FOXP1: variants seen among roughly 807,000 people sequenced by gnomAD.
FOXP1 encodes forkhead box P1.
Under a neutral mutation model 98.2 loss-of-function variants are expected in FOXP1, and 15 were observed. That is an observed-to-expected ratio of 0.15 (90% CI 0.10 to 0.24). The LOEUF (loss-of-function observed/expected upper bound fraction) is 0.24. Among genes scored for constraint, FOXP1 ranks in the 10% least tolerant of loss-of-function variants. FOXP1 has a pLI of 1.00. For missense variants in FOXP1, 633 were observed against 848.5 expected, an observed-to-expected ratio of 0.75 and a Z score of 3.15; for synonymous variants, 371 against 314.5, an observed-to-expected ratio of 1.18 and a Z score of -1.90.
intron 2 of FOXP1, among the ~76,000 whole-genome samples, chr3:71,544,005 ATG>A (rs1491389623): frequency 4.1e-4 from 33 of 79,970 alleles, no homozygotes; most frequent in Non-Finnish European, 6.0e-4. Flanking sequence ...ACACACATGT[ATG>A]TGTGTATACA....
chr3:71,198,432 G>GGGGGGGGGGGCCCGCC, intron 5 of FOXP1, 40 bp from the exon 6 acceptor site: 1 of 491,034 alleles, frequency 2.0e-6, no homozygotes. Flanking sequence ...GGGAGGGGGG[G>GGGGGGGGGGGCCCGCC]AGAAAAAAAA....
chr3:71,529,059 G>T (rs997135606), intron 2 of FOXP1, among the ~76,000 whole-genome samples: 1 of 152,172 alleles, frequency 6.6e-6, no homozygotes, highest in Non-Finnish European at 1.5e-5. Flanking sequence ...TTCAATACAG[G>T]AGGCTTTTCT....
intron 6 of FOXP1, among the ~76,000 whole-genome samples, chr3:71,185,981 T>C (rs1304926957): frequency 1.3e-5 from 2 of 152,252 alleles, no homozygotes; most frequent in Non-Finnish European, 2.9e-5. Flanking sequence ...ATTAGTCATA[T>C]ACATCTCTTC....
At chr3:71,338,894 C>T (rs2076844908) in intron 4 of FOXP1, among the ~76,000 whole-genome samples, 1 of 152,122 alleles carries the variant, frequency 6.6e-6, no homozygotes, top group Non-Finnish European at 1.5e-5. Flanking sequence ...AGGTACCACA[C>T]GCTAAGAAAC....
At chr3:71,406,244 C>T (rs769585536) in intron 3 of FOXP1, among the ~76,000 whole-genome samples, 12 of 152,036 alleles carry the variant, frequency 7.9e-5, no homozygotes, top group Non-Finnish European at 1.0e-4. Context: ...TGGGCCCCAA[C>T]GGGCTGAAAT....
intron 2 of FOXP1, among the ~76,000 whole-genome samples, chr3:71,555,911 AAAG>A (rs1332836900): frequency 6.6e-6 from 1 of 152,158 alleles, no homozygotes; most frequent in Non-Finnish European, 1.5e-5. Flanking sequence ...GAAAAAGAAA[AAAG>A]AGGAGGAAGA....
In FOXP1 at chr3:71,342,654, T is replaced by C. The variant is rs546611125; in HGVS notation, c.-73+16496A>G. Among the ~76,000 whole-genome samples the C allele has an allele frequency of 6.0e-5, 9 of 150,566 alleles. No individual in the cohort carries two copies. The South Asian group carries it at 6.4e-4, about 11-fold the overall frequency. On this transcript the variant is annotated intron_variant, in intron 4 of 20. Transcript: ENST00000649528. ...GCTGCAGTGAGCCGAGATCACGCCA[T>C]TGCACTCCAGCCTGGGTGACAGAGA... is the stretch of plus-strand genomic sequence containing the variant.
chr3:71,561,735 T>C (rs991338328), intron 2 of FOXP1, among the ~76,000 whole-genome samples: 1 of 152,198 alleles, frequency 6.6e-6, no homozygotes, highest in African/African-American at 2.4e-5. Context: ...CTAGACAGAA[T>C]CACTGCAAAT....
chr3:71,027,815 TAAAC>T (rs2046329204), intron 11 of FOXP1, among the ~76,000 whole-genome samples: 1 of 152,224 alleles, frequency 6.6e-6, no homozygotes, highest in South Asian at 2.1e-4. Context: ...ATATAATTAA[TAAAC>T]ATACTTAGTA....
chr3:71,512,676 A>AT, intron 2 of FOXP1, among the ~76,000 whole-genome samples: 1 of 152,318 alleles, frequency 6.6e-6, no homozygotes, highest in African/African-American at 2.4e-5. Flanking sequence ...GCCACTTCAT[A>AT]CAACAGCTGG....
chr3:71,037,698 G>A (rs575114307), intron 11 of FOXP1, among the ~76,000 whole-genome samples: 10 of 152,248 alleles, frequency 6.6e-5, no homozygotes, highest in South Asian at 4.1e-4. Flanking sequence ...TTAAATTGTC[G>A]GAGAAAATCA....
chr3:71,460,170 G>A (rs905289162), intron 3 of FOXP1, among the ~76,000 whole-genome samples: 8 of 151,768 alleles, frequency 5.3e-5, no homozygotes, highest in East Asian at 3.9e-4. Context: ...TCCTGACCTC[G>A]TGATTCGTCC....
At chr3:71,321,337 G>C (rs1222342065) in intron 4 of FOXP1, among the ~76,000 whole-genome samples, 1 of 152,108 alleles carries the variant, frequency 6.6e-6, no homozygotes, top group Non-Finnish European at 1.5e-5. Context: ...ACAAACCAGT[G>C]ACCTCTAACC....
intron 1 of FOXP1, chr3:71,582,716 G>A (rs2048283642): frequency 1.0e-6 from 1 of 985,242 alleles, no homozygotes; most frequent in East Asian, 1.1e-4. Context: ...TCTGGCCACG[G>A]CTGTTGCGGA....
intron 6 of FOXP1, among the ~76,000 whole-genome samples, chr3:71,160,015 T>C (rs2061053332): frequency 6.6e-6 from 1 of 152,212 alleles, no homozygotes; most frequent in African/African-American, 2.4e-5. Context: ...TTCTGTTCAC[T>C]TCCTTCAAGA....
intron 5 of FOXP1, among the ~76,000 whole-genome samples, chr3:71,199,147 G>A (rs1256272246): frequency 9.0e-5 from 13 of 144,236 alleles, no homozygotes; most frequent in South Asian, 2.2e-4. Flanking sequence ...TTGCTCTGTC[G>A]CCGAGGATGA....
chr3:71,432,051 C>T (rs1434563141), intron 3 of FOXP1, among the ~76,000 whole-genome samples: 1 of 152,152 alleles, frequency 6.6e-6, no homozygotes, highest in East Asian at 1.9e-4. Flanking sequence ...CTTTGAAAAC[C>T]TATTTATGGC....
At chr3:70,976,074 G>T (rs1416542616) in intron 17 of FOXP1, among the ~76,000 whole-genome samples, 2 of 148,874 alleles carry the variant, frequency 1.3e-5, no homozygotes, top group Non-Finnish European at 3.0e-5. Flanking sequence ...TTTTGAGACA[G>T]GGTCTTGCTC....
At chr3:71,447,154 T>C (rs1329389841) in intron 3 of FOXP1, among the ~76,000 whole-genome samples, 1 of 152,248 alleles carries the variant, frequency 6.6e-6, no homozygotes, top group Non-Finnish European at 1.5e-5. Context: ...TAAATGCCAG[T>C]GATCATCCAA....
Sources: allele counts gnomAD v4.1 joint callset (sites outside exome capture counted in the v4.1 genomes callset), GRCh38; gene constraint gnomAD v4.1.1; transcripts MANE v1.5; gene names NCBI Gene and HGNC (gene_info 2026-07-23, HGNC 2026-07-21).